The following EFCAB5 variants were observed in gnomAD, a reference collection of about 807,000 sequenced individuals.
The protein encoded by EFCAB5 is EF-hand calcium binding domain 5, also known as EF-hand calcium-binding domain-containing protein 5.
A neutral mutation model predicts 167.9 loss-of-function variants in EFCAB5; 131 were observed. That is an observed-to-expected ratio of 0.78 (90% CI 0.68 to 0.90). The LOEUF is 0.90. EFCAB5 is among the 40% of genes least tolerant of loss of function. The probability of loss-of-function intolerance (pLI) is 0.00; values close to 1 mark genes in which losing one functional copy is unlikely to be tolerated. For synonymous variants in EFCAB5, 574 were observed against 602.8 expected (o/e 0.95, Z 0.70); for missense variants, 1,663 against 1,745.2 (o/e 0.95, Z 0.84).
chr17:30,008,609 A>T (rs561506348), intron 7 of EFCAB5, among the ~76,000 whole-genome samples: 5 of 151,962 alleles, frequency 3.3e-5, no homozygotes, highest in African/African-American at 9.7e-5. Context: ...AAATTTTTTT[A>T]TATTTTAAAA....
At chr17:29,950,158 C>G (rs145176973) in intron 3 of EFCAB5, among the ~76,000 whole-genome samples, 1 of 152,198 alleles carries the variant, frequency 6.6e-6, no homozygotes, top group Non-Finnish European at 1.5e-5. Flanking sequence ...CCTCTTCCTC[C>G]TCTCCTCAGT....
At chr17:30,000,685 A>G (rs896973135) in intron 7 of EFCAB5, among the ~76,000 whole-genome samples, 1 of 152,184 alleles carries the variant, frequency 6.6e-6, no homozygotes. Flanking sequence ...TATGCACTAT[A>G]TACATTTTCA....
intron 14 of EFCAB5, chr17:30,073,830 G>A: frequency 2.3e-6 from 1 of 440,326 alleles, no homozygotes; most frequent in South Asian, 5.2e-5. Context: ...AGAGGCAGAG[G>A]CAGGAAGATT....
chr17:30,034,479 A>T, intron 8 of EFCAB5, 94 bp downstream of exon 8: 1 of 1,462,266 alleles, frequency 6.8e-7, no homozygotes, highest in East Asian at 2.5e-5. Context: ...CTGGTGGATT[A>T]CTTGAGCCCA....
Position 30,011,387 on chromosome 17 carries a change from AC to A in EFCAB5, c.1044+11413del, listed in dbSNP as rs200870969. ...GGGGATGGCACTGAATCTATAAATTACCTTGGGCAGTATGGCCATTTTCACG... is the reference window on the plus strand; with the variant it reads ...GGGGATGGCACTGAATCTATAAATTACTTGGGCAGTATGGCCATTTTCACG... On this transcript the variant is annotated intron_variant, in intron 7 of 22. Coordinates refer to ENST00000394835, the MANE Select transcript of EFCAB5 (RefSeq NM_198529.4). Among the ~76,000 whole-genome samples, 773 of 152,270 alleles carry A rather than the reference AC, an allele frequency of 5.1e-3. 36 individuals carry two copies. The East Asian group carries it at 0.13, about 25-fold the overall frequency.
intron 19 of EFCAB5, 53 bp downstream of exon 19, chr17:30,087,219 A>G: frequency 6.9e-7 from 1 of 1,454,578 alleles, no homozygotes; most frequent in Non-Finnish European, 9.6e-7. Context: ...TTCTGGTACA[A>G]TAGTAGACCT....
At chr17:29,999,822 T>C (rs1340906988) in intron 6 of EFCAB5, 84 bp from the exon 7 acceptor site, 2 of 901,744 alleles carry the variant, frequency 2.2e-6, no homozygotes, top group East Asian at 2.9e-5. Flanking sequence ...AATAATTTTA[T>C]GTTCTTTTAA....
intron 7 of EFCAB5, among the ~76,000 whole-genome samples, chr17:30,020,895 T>C (rs906294453): frequency 3.3e-5 from 5 of 151,508 alleles, no homozygotes; most frequent in African/African-American, 1.2e-4. Context: ...CTGTTGGGGT[T>C]ACAGAGGTAA....
intron 8 of EFCAB5, among the ~76,000 whole-genome samples, chr17:30,045,739 C>T (rs1232041655): frequency 3.9e-5 from 6 of 151,954 alleles, no homozygotes; most frequent in African/African-American, 1.5e-4. Context: ...GTGGTGCATG[C>T]CTGTAGTCCT....
intron 8 of EFCAB5, among the ~76,000 whole-genome samples, chr17:30,041,732 C>T (rs1475967113): frequency 6.6e-6 from 1 of 152,196 alleles, no homozygotes; most frequent in Non-Finnish European, 1.5e-5. Flanking sequence ...ATGCAGCAAA[C>T]TTCATTGTTG....
chr17:29,948,779 A>C (rs1264316449), intron 3 of EFCAB5, among the ~76,000 whole-genome samples: 1 of 152,116 alleles, frequency 6.6e-6, no homozygotes, highest in Non-Finnish European at 1.5e-5. Context: ...CTTAACTTGC[A>C]TTTTGAGAAT....
At position 30,094,583 on chromosome 17, in the gene EFCAB5, T is replaced by C. The variant is rs2071261750; in HGVS notation, c.4321+1647T>C. Among the ~76,000 whole-genome samples, 4 of 150,324 alleles carry C rather than the reference T, an allele frequency of 2.7e-5. No individual in the cohort carries two copies. The South Asian group carries it at 8.4e-4, about 32-fold the overall frequency. On this transcript the variant is annotated intron_variant, in intron 22 of 22. Coordinates refer to ENST00000394835, the MANE Select transcript of EFCAB5 (RefSeq NM_198529.4). ...CTGTAATCCCAGCTACTCAGGAGGC[T>C]GAGGTGGGAGATCACTTGAGCCCAG...
rs547848359 is a variant in EFCAB5, at chr17:30,088,184, A to G, written c.3683+1018A>G. 3.3e-5 allele frequency among the ~76,000 whole-genome samples: 5 copies of G among 152,226 alleles called. No homozygotes were observed. The South Asian group carries it at 1.0e-3, about 32-fold the overall frequency. ...GTCACCCAGGTGGGAGTGCAGTGCT[A>G]TGATCTTAGCTCATGGCAGTCTCAA... On this transcript the variant is annotated intron_variant, in intron 19 of 22. Transcript: ENST00000394835.
At chr17:29,984,920 G>A (rs1336335894) in intron 4 of EFCAB5, among the ~76,000 whole-genome samples, 1 of 151,996 alleles carries the variant, frequency 6.6e-6, no homozygotes, top group Non-Finnish European at 1.5e-5. Flanking sequence ...AGTTTCTTTG[G>A]TTCATCAGAT....
chr17:30,031,495 G>T (rs2069478531), intron 7 of EFCAB5, among the ~76,000 whole-genome samples: 1 of 152,180 alleles, frequency 6.6e-6, no homozygotes, highest in Admixed American at 6.5e-5. Flanking sequence ...TACCTCAAGA[G>T]TAGACAAACA....
Position 30,090,438 on chromosome 17 carries a change from G to A in EFCAB5, c.3701G>A (p.Cys1234Tyr), listed in dbSNP as rs1206925103. Residue 1234 changes from cysteine (C) to tyrosine (Y), a missense_variant, in exon 20 of 23, where the codon TGT becomes TAT. Cys to Tyr is a radical substitution (Grantham distance 194). Coordinates refer to ENST00000394835, the MANE Select transcript of EFCAB5 (RefSeq NM_198529.4). The part of the protein sequence containing the change: ...SCIFRDFLFK[C>Y]TDSSEVVLAS... ...GATTTCAGAGATTTCCTCTTTAAAT[G>A]TACTGACAGTTCAGAAGTTGTTCTG... 1 of 1,613,522 alleles carries A rather than the reference G, an allele frequency of 6.2e-7. No homozygotes were observed. The highest frequency in any genetic ancestry group is 1.7e-5 in the Admixed American group (1 of 59,884).
At chr17:29,994,249 T>C (rs1174422755) in intron 5 of EFCAB5, among the ~76,000 whole-genome samples, 1 of 149,116 alleles carries the variant, frequency 6.7e-6, no homozygotes, top group African/African-American at 2.5e-5. Flanking sequence ...AATTTTCCTG[T>C]GCACTTAAAA....
At chr17:30,094,809 G>A (rs1447612830) in intron 22 of EFCAB5, among the ~76,000 whole-genome samples, 2 of 152,168 alleles carry the variant, frequency 1.3e-5, no homozygotes, top group Non-Finnish European at 2.9e-5. Flanking sequence ...GGCAGGCCTG[G>A]CCTCCCAAGA....
chr17:29,944,852 A>G (rs907146321), intron 3 of EFCAB5, among the ~76,000 whole-genome samples: 1 of 150,682 alleles, frequency 6.6e-6, no homozygotes, highest in Non-Finnish European at 1.5e-5. Context: ...CAAACTCCCA[A>G]CCTCAGGTGA....
Sources: gnomAD v4.1 joint callset for allele counts (sites outside exome capture counted in the v4.1 genomes callset) on GRCh38, gnomAD v4.1.1 for gene constraint, MANE v1.5 for transcripts, NCBI Gene and HGNC (gene_info 2026-07-23, HGNC 2026-07-21) for gene names.